Variants in CRYL1 observed in about 807,000 individuals in gnomAD.
CRYL1 encodes lambda-crystallin homolog.
In CRYL1, 29 loss-of-function variants were observed where a neutral mutation model predicts 36.6. That is an observed-to-expected ratio of 0.79 (90% confidence interval 0.59 to 1.08). The LOEUF (loss-of-function observed/expected upper bound fraction) is 1.08. Among genes scored for constraint, CRYL1 ranks in the 50% least tolerant of loss-of-function variants. The pLI is 0.00. For missense variants in CRYL1, 411 were observed against 407.9 expected (o/e 1.01, Z -0.06); for synonymous variants, 152 against 151.5 (o/e 1.00, Z -0.02).
intron 5 of CRYL1, among the ~76,000 whole-genome samples, chr13:20,420,509 G>T (rs1329679753): frequency 9.6e-6 from 1 of 103,642 alleles, no homozygotes; most frequent in Non-Finnish European, 2.1e-5. Flanking sequence ...GTAAGGGAAA[G>T]ATTGGATTTA....
intron 2 of CRYL1, among the ~76,000 whole-genome samples, chr13:20,491,742 G>A (rs1174854846): frequency 6.6e-6 from 1 of 152,342 alleles, no homozygotes; most frequent in South Asian, 2.1e-4. Context: ...AGTAAGCCAT[G>A]ATTGTGCCAC....
At position 20,415,378 on chromosome 13, in the gene CRYL1, C is replaced by T. The variant is rs532329114; in HGVS notation, c.634-1991G>A. Among the ~76,000 whole-genome samples the T allele has an allele frequency of 3.9e-5, 6 of 152,228 alleles. No homozygotes were observed. The highest frequency in any genetic ancestry group is 1.2e-4 in the African/African-American group (5 of 41,544). ...AAAGGGGTTCGAAACCCCCGCCGTG[C>T]CCCGCAACCGGCTGCGGCGGGCGAC... On this transcript the variant is annotated intron_variant, in intron 5 of 7. Coordinates refer to ENST00000298248, the MANE Select transcript of CRYL1 (RefSeq NM_015974.3). The surrounding 1 kb of genome is among the most constrained non-coding windows in gnomAD (Gnocchi z 4.1).
chr13:20,440,462 G>A (rs569818223), intron 3 of CRYL1, among the ~76,000 whole-genome samples: 7 of 152,292 alleles, frequency 4.6e-5, no homozygotes, highest in African/African-American at 1.4e-4. Context: ...GTTGGAAAGC[G>A]GGTGAGGAAT....
chr13:20,524,263 T>C (rs1311655431), intron 1 of CRYL1, among the ~76,000 whole-genome samples: 2 of 152,172 alleles, frequency 1.3e-5, no homozygotes, highest in African/African-American at 4.8e-5. Flanking sequence ...CACGCATGCG[T>C]GTAAAAACTG....
At chr13:20,520,402 T>C (rs1452389908) in intron 1 of CRYL1, among the ~76,000 whole-genome samples, 4 of 152,178 alleles carry the variant, frequency 2.6e-5, no homozygotes, top group Non-Finnish European at 5.9e-5. Flanking sequence ...CTGGGGCTAA[T>C]GCACCTGCCT....
At chr13:20,517,719 G>A (rs983855316) in intron 1 of CRYL1, among the ~76,000 whole-genome samples, 18 of 152,052 alleles carry the variant, frequency 1.2e-4, no homozygotes, top group African/African-American at 2.9e-4. Context: ...GGTGGATCAC[G>A]AGGGCAGGAG....
chr13:20,472,592 G>C (rs925693828), intron 3 of CRYL1, among the ~76,000 whole-genome samples: 2 of 152,144 alleles, frequency 1.3e-5, no homozygotes, highest in South Asian at 4.1e-4. Flanking sequence ...CCTAACGTAC[G>C]GGCAAGGCTA....
At chr13:20,486,184 G>A (rs756324751) in intron 3 of CRYL1, among the ~76,000 whole-genome samples, 6 of 152,064 alleles carry the variant, frequency 3.9e-5, no homozygotes, top group Non-Finnish European at 4.4e-5. Context: ...CCTCCCAAGA[G>A]TGCTGGGATT....
At chr13:20,420,711 G>T (rs371434826) in intron 5 of CRYL1, among the ~76,000 whole-genome samples, 8,467 of 30,806 alleles carry the variant, frequency 0.27, 1,525 homozygotes, top group Non-Finnish European at 0.37. Context: ...TTGTGTGTGT[G>T]TGTGTGTGTG....
intron 3 of CRYL1, among the ~76,000 whole-genome samples, chr13:20,466,682 C>CTGTGTGTGTGTGTGTG (rs57209647): frequency 0.032 from 4,123 of 129,522 alleles, 186 homozygotes; most frequent in African/African-American, 0.097. Flanking sequence ...TTGGAAAACT[C>CTGTGTGTGTGTGTGTG]TGTGTGTGTG....
At chr13:20,513,153 G>A (rs1430835397) in intron 1 of CRYL1, among the ~76,000 whole-genome samples, 1 of 152,094 alleles carries the variant, frequency 6.6e-6, no homozygotes, top group African/African-American at 2.4e-5. Context: ...GAGCTCCTGA[G>A]CCCTCAACTC....
At chr13:20,504,460 C>T (rs897642054) in intron 2 of CRYL1, among the ~76,000 whole-genome samples, 3 of 151,906 alleles carry the variant, frequency 2.0e-5, no homozygotes, top group African/African-American at 7.3e-5. Context: ...CCCACCATCA[C>T]GCCCAGCTGA....
At chr13:20,465,185 A>T (rs1485218027) in intron 3 of CRYL1, among the ~76,000 whole-genome samples, 1 of 152,192 alleles carries the variant, frequency 6.6e-6, no homozygotes, top group East Asian at 1.9e-4. Context: ...TATCCCAACT[A>T]TTCTCTAAGC....
chr13:20,426,687 C>CA, intron 5 of CRYL1: 3 of 985,306 alleles, frequency 3.0e-6, no homozygotes, highest in South Asian at 4.7e-5. Flanking sequence ...AAGTTTGCCA[C>CA]AAAAAAGCCT....
intron 3 of CRYL1, among the ~76,000 whole-genome samples, chr13:20,460,460 G>T (rs969737721): frequency 6.7e-6 from 1 of 148,878 alleles, no homozygotes; most frequent in African/African-American, 2.5e-5. Context: ...AACACTGGGT[G>T]TTGGCTCTTT....
intron 3 of CRYL1, chr13:20,439,987 C>T (rs1381541700): frequency 1.4e-5 from 6 of 440,526 alleles, no homozygotes; most frequent in African/African-American, 9.8e-5. Context: ...ATTTTCTGCC[C>T]TTCCCATGAA....
At chr13:20,458,589 T>C (rs1456592874) in intron 3 of CRYL1, among the ~76,000 whole-genome samples, 4 of 152,244 alleles carry the variant, frequency 2.6e-5, no homozygotes, top group Non-Finnish European at 4.4e-5. Context: ...CATTTCAACA[T>C]GTAATCACTA....
chr13:20,471,787 A>G (rs950619092), intron 3 of CRYL1, among the ~76,000 whole-genome samples: 3 of 150,618 alleles, frequency 2.0e-5, no homozygotes, highest in African/African-American at 7.4e-5. Flanking sequence ...CAGGTCCCTG[A>G]TTTTTTTCTT....
At chr13:20,511,990 A>C (rs2033924589) in intron 2 of CRYL1, among the ~76,000 whole-genome samples, 1 of 152,204 alleles carries the variant, frequency 6.6e-6, no homozygotes, top group Non-Finnish European at 1.5e-5. Flanking sequence ...CTAAACCTCT[A>C]ACTAAAATTC....
Sources: allele counts gnomAD v4.1 joint callset (sites outside exome capture counted in the v4.1 genomes callset), GRCh38; gene constraint gnomAD v4.1.1; non-coding constraint Gnocchi (gnomAD v3.1); transcripts MANE v1.5; gene names NCBI Gene and HGNC (gene_info 2026-07-23, HGNC 2026-07-21).